SRGAP2: variants seen among roughly 807,000 people sequenced by gnomAD.
SRGAP2 encodes the protein SLIT-ROBO Rho GTPase activating protein 2.
A neutral mutation model predicts 57.2 loss-of-function variants in SRGAP2; 15 were observed. That is an observed-to-expected ratio of 0.26 (90% CI 0.18 to 0.40). The LOEUF is 0.40. Ranked by LOEUF, SRGAP2 falls within the 10% of genes least tolerant of loss-of-function variation. The pLI is 1.00. For missense variants in SRGAP2, 520 were observed against 669.6 expected, an observed-to-expected ratio of 0.78 and a Z score of 2.47; for synonymous variants, 249 against 248.0, an observed-to-expected ratio of 1.00 and a Z score of -0.04.
chr1:206,449,894 T>A (rs961088563), intron 18 of SRGAP2, among the ~76,000 whole-genome samples: 4 of 152,216 alleles, frequency 2.6e-5, no homozygotes, highest in Admixed American at 6.5e-5. Context: ...GATATAGATC[T>A]TTATCTTCAG....
chr1:206,291,490 G>A (rs1374788451), intron 2 of SRGAP2, among the ~76,000 whole-genome samples: 1 of 152,098 alleles, frequency 6.6e-6, no homozygotes, highest in Non-Finnish European at 1.5e-5. Flanking sequence ...GAGATTAAGT[G>A]TCTTGTTCAG....
At chr1:206,270,679 G>A (rs1670133328) in intron 2 of SRGAP2, among the ~76,000 whole-genome samples, 1 of 132,260 alleles carries the variant, frequency 7.6e-6, no homozygotes, top group African/African-American at 3.0e-5. Flanking sequence ...AGATTGATAT[G>A]TACTAATATG....
chr1:206,453,221 T>C lies in SRGAP2; in HGVS notation c.2201T>C (p.Ile734Thr). The C allele has an allele frequency of 1.7e-6, 1 of 595,124 alleles. No individual in the cohort carries two copies. Among genetic ancestry groups the C allele is most frequent in the Non-Finnish European group, 3.2e-6 (1 of 315,206 alleles). The allele number at this position is 595,124 out of a possible 1,614,324, so 36.9% of individuals were successfully genotyped here. A position where few individuals can be genotyped will look rare whatever the true frequency, so the allele number is the denominator to read the frequency against. ...SDDECEPIEA[I>T]AKFDYVGRTA... is the part of the protein sequence containing the mutation. ...TCAGAATGTGAGCCCATCGAGGCCATTGCCAAGTTTGACTACGTGGGCCGG... is the reference window on the plus strand; with the variant it reads ...TCAGAATGTGAGCCCATCGAGGCCACTGCCAAGTTTGACTACGTGGGCCGG... The change falls in exon 20 of 23, where the codon ATT becomes ACT. Residue 734 changes from isoleucine to threonine, a missense_variant. Transcript: ENST00000573034.
At chr1:206,410,858 G>A (rs1659158007) in intron 10 of SRGAP2, among the ~76,000 whole-genome samples, 1 of 152,144 alleles carries the variant, frequency 6.6e-6, no homozygotes, top group Admixed American at 6.5e-5. Context: ...ATTTTCCTAA[G>A]TATTTCCTTT....
chr1:206,431,660 C>T (rs1357708286), intron 14 of SRGAP2, among the ~76,000 whole-genome samples: 3 of 152,184 alleles, frequency 2.0e-5, no homozygotes, highest in African/African-American at 7.2e-5. Flanking sequence ...CCTTACATTC[C>T]ACTGAAAGGT....
intron 5 of SRGAP2, among the ~76,000 whole-genome samples, chr1:206,386,969 A>G (rs1359580878): frequency 1.3e-5 from 2 of 150,864 alleles, no homozygotes; most frequent in Admixed American, 6.6e-5. Flanking sequence ...CTAAAAATGT[A>G]TTAAAAACTA....
At chr1:206,443,283 G>C (rs1553372726) in intron 17 of SRGAP2, among the ~76,000 whole-genome samples, 1 of 152,164 alleles carries the variant, frequency 6.6e-6, no homozygotes, top group Non-Finnish European at 1.5e-5. Context: ...GTGACTACAA[G>C]TCGACACCAA....
intron 20 of SRGAP2, 123 bp downstream of exon 20, chr1:206,453,503 A>AC (rs1663524757): frequency 2.3e-6 from 1 of 430,344 alleles, no homozygotes; most frequent in Non-Finnish European, 4.2e-6. Flanking sequence ...TGCAGTCCTG[A>AC]GGCTCACACA....
intron 3 of SRGAP2, among the ~76,000 whole-genome samples, chr1:206,332,482 A>G (rs1193886434): frequency 6.6e-6 from 1 of 150,988 alleles, no homozygotes; most frequent in Non-Finnish European, 1.5e-5. Flanking sequence ...ACATAGTCCC[A>G]TATTTCTTGG....
Position 206,357,738 on chromosome 1 carries a change from C to T in SRGAP2, c.423+14730C>T, listed in dbSNP as rs559786514. Among the ~76,000 whole-genome samples, 6 of 150,312 alleles carry T rather than the reference C, an allele frequency of 4.0e-5. No individual in the cohort carries two copies. The East Asian group carries it at 1.2e-3, about 29-fold the overall frequency. ...AGCCGGGATTACAGGCGTGGGCTAC[C>T]ACATCCAGCTAAGTTTTTTGTGTTT... On this transcript the variant is annotated intron_variant, in intron 4 of 22. Transcript: ENST00000573034.
At chr1:206,431,833 A>G (rs781972830) in intron 14 of SRGAP2, among the ~76,000 whole-genome samples, 3 of 152,258 alleles carry the variant, frequency 2.0e-5, no homozygotes, top group Non-Finnish European at 4.4e-5. Flanking sequence ...ACATTAGGGC[A>G]GAGTTGTGAG....
chr1:206,307,181 A>T (rs1183104041), intron 3 of SRGAP2, among the ~76,000 whole-genome samples: 1 of 152,142 alleles, frequency 6.6e-6, no homozygotes, highest in Non-Finnish European at 1.5e-5. Flanking sequence ...TGAGCTAGAT[A>T]TAGAGTGCCG....
chr1:206,313,139 A>G (rs1433690002), intron 3 of SRGAP2, among the ~76,000 whole-genome samples: 5 of 144,546 alleles, frequency 3.5e-5, no homozygotes, highest in African/African-American at 1.0e-4. Context: ...CTGCTATTTT[A>G]TAACCCACTG....
intron 2 of SRGAP2, among the ~76,000 whole-genome samples, chr1:206,262,314 T>A (rs1472037996): frequency 6.7e-6 from 1 of 150,020 alleles, no homozygotes; most frequent in African/African-American, 2.5e-5. Flanking sequence ...TTTTTTTTTT[T>A]TGAAATGATT....
chr1:206,428,907 CAA>C (rs539923628), intron 13 of SRGAP2, among the ~76,000 whole-genome samples: 1 of 152,234 alleles, frequency 6.6e-6, no homozygotes, highest in African/African-American at 2.4e-5. Context: ...CTCGGCCTCT[CAA>C]AGTGCTGGGA....
chr1:206,456,840 G>C (rs186946662), intron 21 of SRGAP2, among the ~76,000 whole-genome samples: 2 of 152,082 alleles, frequency 1.3e-5, no homozygotes, highest in African/African-American at 4.8e-5. Flanking sequence ...TGAGTTTCCC[G>C]AGTGCCCAGG....
chr1:206,301,858 A>C (rs1315197901), intron 2 of SRGAP2, among the ~76,000 whole-genome samples: 1 of 151,884 alleles, frequency 6.6e-6, no homozygotes, highest in Non-Finnish European at 1.5e-5. Flanking sequence ...CAGATTGTGG[A>C]GCCTCGACTA....
chr1:206,392,615 C>T, intron 5 of SRGAP2, 74 bp from the exon 6 acceptor site: 1 of 709,770 alleles, frequency 1.4e-6, no homozygotes, highest in Non-Finnish European at 2.6e-6. Flanking sequence ...CCAGCTGAGT[C>T]TGTTAGTCTG....
At chr1:206,340,910 A>G (rs1675138620) in intron 3 of SRGAP2, among the ~76,000 whole-genome samples, 1 of 151,078 alleles carries the variant, frequency 6.6e-6, no homozygotes, top group Non-Finnish European at 1.5e-5. Flanking sequence ...CAGTTTCCCT[A>G]AAAAGGTAAG....
Sources: allele counts gnomAD v4.1 joint callset (sites outside exome capture counted in the v4.1 genomes callset), GRCh38; gene constraint gnomAD v4.1.1; transcripts MANE v1.5; gene names NCBI Gene and HGNC (gene_info 2026-07-23, HGNC 2026-07-21).